Variants in RNF216 observed in about 807,000 individuals in gnomAD.
The protein encoded by RNF216 is ring finger protein 216, also known as E3 ubiquitin-protein ligase RNF216.
Under a neutral mutation model 110.8 loss-of-function variants are expected in RNF216, and 72 were observed. That is an observed-to-expected ratio of 0.65 (90% CI 0.54 to 0.79). The LOEUF is 0.79. Ranked by LOEUF, RNF216 falls within the 30% of genes least tolerant of loss-of-function variation. The pLI is 0.00. For synonymous variants in RNF216, 495 were observed against 407.5 expected (o/e 1.21, Z -2.59); for missense variants, 1,342 against 1,141.2 (o/e 1.18, Z -2.54).
chr7:5,649,376 G>C (rs545164339), intron 14 of RNF216, among the ~76,000 whole-genome samples: 1 of 109,672 alleles, frequency 9.1e-6, no homozygotes, highest in Non-Finnish European at 1.8e-5. Flanking sequence ...CGGAGACTCC[G>C]TCTCCAAAGG....
At chr7:5,776,698 G>C (rs575447032) in intron 1 of RNF216, among the ~76,000 whole-genome samples, 64 of 151,360 alleles carry the variant, frequency 4.2e-4, no homozygotes, top group Admixed American at 2.4e-3. Flanking sequence ...GTCAGATCTG[G>C]GTTTATCCTT....
chr7:5,719,255 G>A (rs1196230945), intron 9 of RNF216, among the ~76,000 whole-genome samples: 3 of 152,134 alleles, frequency 2.0e-5, no homozygotes, highest in Non-Finnish European at 2.9e-5. Flanking sequence ...CACACCTGCA[G>A]TCCCAATTAC....
chr7:5,748,562 T>C (rs1254521519), intron 3 of RNF216, among the ~76,000 whole-genome samples: 1 of 151,908 alleles, frequency 6.6e-6, no homozygotes, highest in African/African-American at 2.4e-5. Context: ...TTTCTTAACC[T>C]TTCCTCAGCT....
intron 1 of RNF216, among the ~76,000 whole-genome samples, chr7:5,774,545 TGC>T (rs1270449652): frequency 6.6e-6 from 1 of 152,244 alleles, no homozygotes; most frequent in Non-Finnish European, 1.5e-5. Flanking sequence ...TGTGACATTG[TGC>T]TATTTTTATT....
At chr7:5,647,674 C>T (rs1186994365) in intron 14 of RNF216, among the ~76,000 whole-genome samples, 3 of 152,100 alleles carry the variant, frequency 2.0e-5, no homozygotes, top group East Asian at 1.9e-4. Flanking sequence ...TGGGTTAGCT[C>T]GTATAGTTTT....
At chr7:5,647,801 CCT>C (rs1168402368) in intron 14 of RNF216, among the ~76,000 whole-genome samples, 5 of 152,054 alleles carry the variant, frequency 3.3e-5, no homozygotes, top group Non-Finnish European at 7.4e-5. Flanking sequence ...AAATTTATCC[CCT>C]CTTCTCCATT....
At chr7:5,638,752 C>T (rs1470552915) in intron 15 of RNF216, among the ~76,000 whole-genome samples, 1 of 151,908 alleles carries the variant, frequency 6.6e-6, no homozygotes, top group Non-Finnish European at 1.5e-5. Context: ...ATCCTCCTGC[C>T]TCAGCCTCCC....
At chr7:5,661,554 G>A (rs544216701) in intron 13 of RNF216, among the ~76,000 whole-genome samples, 1 of 152,258 alleles carries the variant, frequency 6.6e-6, no homozygotes, top group East Asian at 1.9e-4. Context: ...TGTAATCCAA[G>A]CATTTTGGGA....
chr7:5,645,392 T>C (rs932800631), intron 14 of RNF216, among the ~76,000 whole-genome samples: 3 of 152,212 alleles, frequency 2.0e-5, no homozygotes, highest in Non-Finnish European at 4.4e-5. Flanking sequence ...CAGATGATGT[T>C]CTACAGGTCC....
chr7:5,722,593 T>C (rs1793501666), intron 8 of RNF216, among the ~76,000 whole-genome samples: 1 of 151,744 alleles, frequency 6.6e-6, no homozygotes, highest in South Asian at 2.1e-4. Flanking sequence ...GGTTTCACTG[T>C]GTTAGCCAGG....
intron 15 of RNF216, among the ~76,000 whole-genome samples, chr7:5,629,873 AT>A (rs1195739227): frequency 6.7e-6 from 1 of 148,358 alleles, no homozygotes; most frequent in African/African-American, 2.5e-5. Flanking sequence ...TTTAGGATTG[AT>A]TTTGAGGTTA....
intron 13 of RNF216, among the ~76,000 whole-genome samples, chr7:5,702,625 C>T (rs957661532): frequency 2.0e-5 from 3 of 152,166 alleles, no homozygotes; most frequent in Admixed American, 6.5e-5. Context: ...ATTTACTGTG[C>T]TTCAATAGCA....
intron 7 of RNF216, among the ~76,000 whole-genome samples, chr7:5,727,377 G>A (rs1348735262): frequency 6.6e-6 from 1 of 152,086 alleles, no homozygotes; most frequent in African/African-American, 2.4e-5. Flanking sequence ...GCTTATTATT[G>A]AGTGGCCAAG....
At chr7:5,751,681 A>T (rs1265439839) in intron 3 of RNF216, among the ~76,000 whole-genome samples, 1 of 152,140 alleles carries the variant, frequency 6.6e-6, no homozygotes, top group Admixed American at 6.5e-5. Flanking sequence ...TAACTTTGAA[A>T]GGACTTTGCT....
At chr7:5,637,622 C>A (rs1787472236) in intron 15 of RNF216, among the ~76,000 whole-genome samples, 1 of 152,204 alleles carries the variant, frequency 6.6e-6, no homozygotes, top group African/African-American at 2.4e-5. Context: ...TCAGGGCTCA[C>A]TGCATCCCTA....
intron 15 of RNF216, among the ~76,000 whole-genome samples, chr7:5,631,077 A>G (rs1166472088): frequency 6.6e-6 from 1 of 152,206 alleles, no homozygotes; most frequent in Non-Finnish European, 1.5e-5. Context: ...TCCTTCTGAG[A>G]AGAGCAGAAT....
chr7:5,678,933 C>A (rs1255981920), intron 13 of RNF216, among the ~76,000 whole-genome samples: 1 of 152,140 alleles, frequency 6.6e-6, no homozygotes, highest in East Asian at 1.9e-4. Context: ...CAGTTGCTCT[C>A]CAATAACCCT....
At chr7:5,688,603 C>G (rs1166190871) in intron 13 of RNF216, among the ~76,000 whole-genome samples, 1 of 152,202 alleles carries the variant, frequency 6.6e-6, no homozygotes, top group Non-Finnish European at 1.5e-5. Flanking sequence ...TATTTACCAG[C>G]TTTATCCTTT....
chr7:5,653,474 G>A (rs1300682564), intron 13 of RNF216, among the ~76,000 whole-genome samples: 8 of 151,542 alleles, frequency 5.3e-5, no homozygotes, highest in African/African-American at 1.5e-4. Context: ...GGTGGCAGGC[G>A]CCTGTAGTCC....
Sources: allele counts gnomAD v4.1 joint callset (sites outside exome capture counted in the v4.1 genomes callset), GRCh38; gene constraint gnomAD v4.1.1; transcripts MANE v1.5; gene names NCBI Gene and HGNC (gene_info 2026-07-23, HGNC 2026-07-21).